Variants in DZANK1 observed in about 807,000 individuals in gnomAD.
DZANK1 encodes double zinc ribbon and ankyrin repeat domains 1, also known as double zinc ribbon and ankyrin repeat-containing protein 1.
A neutral mutation model predicts 94.5 loss-of-function variants in DZANK1; 91 were observed. The ratio of observed to expected loss-of-function variants is 0.96; its 90% CI spans 0.81 to 1.15. The LOEUF is 1.15. Among genes scored for constraint, DZANK1 ranks in the 50% most tolerant of loss-of-function variants. DZANK1 has a pLI of 0.00. For synonymous variants in DZANK1, 312 were observed against 325.3 expected (o/e 0.96, Z 0.44); for missense variants, 903 against 916.4 (o/e 0.99, Z 0.19).
intron 19 of DZANK1, 46 bp from the exon 20 acceptor site, chr20:18,385,136 T>A: frequency 6.5e-7 from 1 of 1,540,002 alleles, no homozygotes; most frequent in Non-Finnish European, 8.8e-7. Flanking sequence ...GTTAGCATCA[T>A]CAGGAAACTG....
chr20:18,393,865 C>T, intron 16 of DZANK1, 54 bp from the exon 17 acceptor site: 1 of 1,179,668 alleles, frequency 8.5e-7, no homozygotes, highest in Non-Finnish European at 1.3e-6. Flanking sequence ...ACTCCCCACA[C>T]AAACAGTTAT....
intron 13 of DZANK1, among the ~76,000 whole-genome samples, chr20:18,407,345 T>C (rs943063321): frequency 6.6e-5 from 10 of 152,236 alleles, no homozygotes; most frequent in African/African-American, 2.2e-4. Context: ...CTGGATCTTA[T>C]CTAAGACCAC....
intron 20 of DZANK1, 84 bp downstream of exon 20, chr20:18,384,932 C>A (rs1600682763): frequency 7.4e-7 from 1 of 1,351,582 alleles, no homozygotes; most frequent in East Asian, 2.5e-5. Flanking sequence ...GTTCAGGAAC[C>A]AAGGCCCCTC....
chr20:18,389,610 G>T, intron 19 of DZANK1, 91 bp downstream of exon 19: 2 of 1,533,530 alleles, frequency 1.3e-6, no homozygotes, highest in Non-Finnish European at 8.8e-7. Flanking sequence ...AAACTGAACA[G>T]GGTGTGTGTG....
At chr20:18,452,848 A>G in intron 5 of DZANK1, 109 bp from the exon 6 acceptor site, 3 of 1,122,860 alleles carry the variant, frequency 2.7e-6, no homozygotes, top group South Asian at 1.7e-5. Context: ...CTGTCACCAC[A>G]TTGCTTCCCT....
At chr20:18,453,895 G>T (rs938004688) in intron 4 of DZANK1, 68 bp from the exon 5 acceptor site, 6 of 981,954 alleles carry the variant, frequency 6.1e-6, no homozygotes, top group African/African-American at 3.2e-5. Context: ...CTGCATGATA[G>T]AGAAAGTGTC....
intron 12 of DZANK1, among the ~76,000 whole-genome samples, chr20:18,413,809 CTGCATACAAAG>C (rs1358800595): frequency 6.6e-6 from 1 of 151,900 alleles, no homozygotes; most frequent in Non-Finnish European, 1.5e-5. Context: ...CTCCCTAAAA[CTGCATACAAAG>C]TGCTGAGTGT....
At chr20:18,392,334 G>T (rs1188293386) in intron 17 of DZANK1, among the ~76,000 whole-genome samples, 1 of 152,146 alleles carries the variant, frequency 6.6e-6, no homozygotes, top group Non-Finnish European at 1.5e-5. Flanking sequence ...AAATGTACTG[G>T]TGTTTGTTAC....
intron 13 of DZANK1, among the ~76,000 whole-genome samples, chr20:18,410,596 T>C (rs2057203490): frequency 1.3e-5 from 2 of 151,956 alleles, no homozygotes; most frequent in African/African-American, 2.4e-5. Context: ...TGTAGATGGA[T>C]GAAACAATCC....
chr20:18,443,313 A>C lies in DZANK1; in HGVS notation c.747+34T>G, dbSNP rs149751242. The C allele has an allele frequency of 2.6e-3, 3,510 of 1,342,118 alleles. 9 individuals carry two copies. Among genetic ancestry groups the C allele is most frequent in the Non-Finnish European group, 3.4e-3 (3,228 of 957,174 alleles). 83.1% of individuals were successfully genotyped at this position (1,342,118 alleles called of 1,614,324 possible). On this transcript the variant is annotated intron_variant, in intron 8 of 20. Transcript: ENST00000262547. ...GCTGCAAATAAAGATCAGATCAACC[A>C]ATGAAAGATGTTTTTAAGAATTCTG...
At chr20:18,427,243 C>A in intron 9 of DZANK1, 84 bp from the exon 10 acceptor site, 3 of 1,017,110 alleles carry the variant, frequency 2.9e-6, no homozygotes, top group South Asian at 3.2e-5. Context: ...TTCTGTCAGT[C>A]ATTCAGCTAC....
chr20:18,389,604 T>C, intron 19 of DZANK1, 97 bp downstream of exon 19: 3 of 1,499,338 alleles, frequency 2.0e-6, no homozygotes, highest in Non-Finnish European at 2.7e-6. Flanking sequence ...TGGCTGAAAC[T>C]GAACAGGGTG....
intron 19 of DZANK1, among the ~76,000 whole-genome samples, chr20:18,387,183 T>G (rs575453546): frequency 1.5e-4 from 23 of 152,346 alleles, no homozygotes; most frequent in Middle Eastern, 3.4e-3. Flanking sequence ...CCGCATCTCC[T>G]AAGTAGACTT....
At chr20:18,461,662 C>T (rs1601199039) in intron 2 of DZANK1, among the ~76,000 whole-genome samples, 4 of 149,000 alleles carry the variant, frequency 2.7e-5, no homozygotes, top group South Asian at 2.1e-4. Flanking sequence ...TGCAGTGGTG[C>T]GATCTTAGCT....
intron 3 of DZANK1, among the ~76,000 whole-genome samples, chr20:18,458,199 A>G (rs1164551805): frequency 6.6e-6 from 1 of 152,216 alleles, no homozygotes; most frequent in African/African-American, 2.4e-5. Context: ...CAGATTTCTT[A>G]CATGCTCAAC....
intron 2 of DZANK1, among the ~76,000 whole-genome samples, chr20:18,461,643 T>C (rs955418383): frequency 6.6e-6 from 1 of 151,104 alleles, no homozygotes; most frequent in African/African-American, 2.4e-5. Flanking sequence ...CCTGTCATCC[T>C]GACTGGAGTG....
chr20:18,391,237 CT>C (rs944051231), intron 17 of DZANK1, among the ~76,000 whole-genome samples: 18 of 149,838 alleles, frequency 1.2e-4, no homozygotes, highest in East Asian at 3.9e-4. Context: ...ATTTCAAGAT[CT>C]TTTTTTTTTC....
chr20:18,424,520 T>C (rs1433154560), intron 10 of DZANK1, among the ~76,000 whole-genome samples: 3 of 149,488 alleles, frequency 2.0e-5, no homozygotes, highest in Admixed American at 2.0e-4. Context: ...TGATATCAAG[T>C]GTTGGAGATG....
rs117574330 is a variant in DZANK1 at position 18,458,818 on chromosome 20, C to T, written c.263+1335G>A. Among the ~76,000 whole-genome samples the T allele has an allele frequency of 7.4e-3, 1,132 of 152,312 alleles. 3 individuals carry two copies. The highest frequency in any genetic ancestry group is 0.01 in the Non-Finnish European group (703 of 68,026). ...TGGCTCATATCCACCTATTCTACCC[C>T]CTAAGATCCAGGTTGTTTCCCCCAC... is the stretch of plus-strand genomic sequence containing the variant. On this transcript the variant is annotated intron_variant, in intron 3 of 20. Transcript: ENST00000262547.
Sources: gnomAD v4.1 joint callset for allele counts (sites outside exome capture counted in the v4.1 genomes callset) on GRCh38, gnomAD v4.1.1 for gene constraint, MANE v1.5 for transcripts, NCBI Gene and HGNC (gene_info 2026-07-23, HGNC 2026-07-21) for gene names.